Variants in ANK2 observed in about 807,000 individuals in gnomAD.
The protein encoded by ANK2 is ankyrin 2.
A neutral mutation model predicts 360.5 loss-of-function variants in ANK2; 83 were observed. That is an observed-to-expected ratio of 0.23 (90% confidence interval 0.19 to 0.28). The LOEUF is 0.28. Ranked by LOEUF, ANK2 falls within the 10% of genes least tolerant of loss-of-function variation. The pLI is 1.00. For synonymous variants in ANK2, 1,740 were observed against 1,759.5 expected (o/e 0.99, Z 0.28); for missense variants, 4,201 against 4,795.7 (o/e 0.88, Z 3.66).
At chr4:113,047,795 T>G, upstream of ANK2, among the ~76,000 whole-genome samples, 1 of 150,792 alleles carries the variant, frequency 6.6e-6, no homozygotes. Context: ...AGGAGGAGGG[T>G]GGAGGGAGTG....
upstream of ANK2, among the ~76,000 whole-genome samples, chr4:113,048,276 A>ATTT (rs1165941601): frequency 1.8e-4 from 7 of 39,748 alleles, 1 homozygote; most frequent in East Asian, 8.5e-4. Context: ...ATATATATAT[A>ATTT]TTTTTTTTTT....
intron 2 of ANK2, among the ~76,000 whole-genome samples, chr4:112,940,851 C>T (rs902095992): frequency 2.0e-5 from 3 of 151,990 alleles, no homozygotes; most frequent in African/African-American, 7.2e-5. Flanking sequence ...AAAGCACAGC[C>T]GAACAGGGAT....
At chr4:113,055,314 A>G (rs946649719) in intron 1 of ANK2, among the ~76,000 whole-genome samples, 13 of 151,968 alleles carry the variant, frequency 8.6e-5, no homozygotes, top group Non-Finnish European at 1.0e-4. Context: ...GGGACACCCA[A>G]CCCCCGAGGG....
the ANK2 span, among the ~76,000 whole-genome samples, chr4:112,782,317 A>G: frequency 1.3e-5 from 2 of 152,112 alleles, no homozygotes; most frequent in Admixed American, 6.5e-5. Flanking sequence ...TATTCTCTCT[A>G]CTTTTGTTTA....
intron 23 of ANK2, among the ~76,000 whole-genome samples, chr4:113,303,213 G>A (rs1283522600): frequency 6.6e-6 from 1 of 152,064 alleles, no homozygotes; most frequent in East Asian, 1.9e-4. Flanking sequence ...ATGACTTTAA[G>A]TAAAGACTTT....
chr4:113,146,526 AAT>A (rs1260349360), intron 1 of ANK2, among the ~76,000 whole-genome samples: 1 of 152,210 alleles, frequency 6.6e-6, no homozygotes, highest in Non-Finnish European at 1.5e-5. Flanking sequence ...TTATGATAGT[AAT>A]AGTTTGTAAA....
At chr4:112,990,989 T>G (rs551742871) in intron 2 of ANK2, among the ~76,000 whole-genome samples, 5 of 152,142 alleles carry the variant, frequency 3.3e-5, no homozygotes, top group African/African-American at 7.2e-5. Flanking sequence ...CAGTGGTTCA[T>G]GCCTGTAATC....
At chr4:113,217,242 C>G (rs2099095036) in intron 4 of ANK2, 1 of 152,108 alleles carries the variant, frequency 6.6e-6, no homozygotes, top group Admixed American at 6.6e-5. Flanking sequence ...ATCACATTTC[C>G]CTTTTTTCTG....
chr4:113,240,204 C>G (rs1053315308), intron 7 of ANK2, among the ~76,000 whole-genome samples: 26 of 152,026 alleles, frequency 1.7e-4, no homozygotes, highest in African/African-American at 6.0e-4. Context: ...ACTTAAGAAA[C>G]ATTGTTTTGT....
chr4:113,072,953 CTTTTTTTTTTTTTTT>C (rs77468290), intron 1 of ANK2, among the ~76,000 whole-genome samples: 22 of 59,408 alleles, frequency 3.7e-4, no homozygotes, highest in Admixed American at 1.3e-3. Flanking sequence ...AGGACAGTGT[CTTTTTTTTTTTTTTT>C]TTTTTTTTTT....
intron 2 of ANK2, among the ~76,000 whole-genome samples, chr4:112,921,382 T>G (rs1425848787): frequency 8.0e-6 from 1 of 125,518 alleles, no homozygotes; most frequent in Non-Finnish European, 1.6e-5. Flanking sequence ...TCTTTAAGTT[T>G]TTTTTTTTTT....
At chr4:113,337,325 A>G (rs2093671008) in intron 31 of ANK2, among the ~76,000 whole-genome samples, 1 of 152,188 alleles carries the variant, frequency 6.6e-6, no homozygotes, top group East Asian at 1.9e-4. Context: ...TCAGTGATTA[A>G]CTGATTTTTG....
chr4:113,017,040 G>T (rs7698083), intron 2 of ANK2, among the ~76,000 whole-genome samples: 31,879 of 152,058 alleles, frequency 0.21, 4,472 homozygotes, highest in East Asian at 0.39. Flanking sequence ...TAGAAATGTG[G>T]TATACCACAT....
intron 2 of ANK2, among the ~76,000 whole-genome samples, chr4:112,946,230 T>G (rs1445108845): frequency 6.6e-6 from 1 of 151,810 alleles, no homozygotes; most frequent in Non-Finnish European, 1.5e-5. Context: ...GAGCCTTTCG[T>G]GGAAAGGAGC....
At position 113,083,214 on chromosome 4, in the gene ANK2, C is replaced by T. The variant is rs775837456; in HGVS notation, c.84+33402C>T. On this transcript the variant is annotated intron_variant, in intron 1 of 45. Coordinates refer to ENST00000357077, the MANE Select transcript of ANK2 (RefSeq NM_001148.6). ...TATTTTGAGAGACAGTGTCTCACTT[C>T]GTTGCCTATGCTGGAGTGCAGTGAT... Among the ~76,000 whole-genome samples, 7 of 152,146 alleles carry T rather than the reference C, an allele frequency of 4.6e-5. No homozygotes were observed. In the South Asian group the frequency reaches 8.3e-4, roughly 18 times the overall value.
At chr4:113,151,899 TACA>T (rs1554193320) in intron 1 of ANK2, among the ~76,000 whole-genome samples, 1 of 80,396 alleles carries the variant, frequency 1.2e-5, no homozygotes. Context: ...ACCCCATCTC[TACA>T]AAAAAAAAAA....
chr4:112,863,270 A>G (rs11737593), intron 1 of ANK2, among the ~76,000 whole-genome samples: 5,494 of 152,232 alleles, frequency 0.036, 134 homozygotes, highest in African/African-American at 0.058. Flanking sequence ...AGAGAAAAAG[A>G]CTAGGAGAAA....
At chr4:113,193,505 G>T (rs565413551) in intron 2 of ANK2, among the ~76,000 whole-genome samples, 26 of 152,360 alleles carry the variant, frequency 1.7e-4, no homozygotes, top group Non-Finnish European at 3.2e-4. Context: ...TAAGGACTGA[G>T]AAGGGATAGA....
chr4:112,724,792 C>A, the ANK2 span, among the ~76,000 whole-genome samples: 1 of 152,118 alleles, frequency 6.6e-6, no homozygotes, highest in Non-Finnish European at 1.5e-5. Context: ...ATCTAGCAGT[C>A]CCACTTCTAG....
Sources: gnomAD v4.1 joint callset for allele counts (sites outside exome capture counted in the v4.1 genomes callset) on GRCh38, gnomAD v4.1.1 for gene constraint, MANE v1.5 for transcripts, NCBI Gene and HGNC (gene_info 2026-07-23, HGNC 2026-07-21) for gene names.